The following ACACA variants were observed in gnomAD, a reference collection of about 807,000 sequenced individuals.
The protein encoded by ACACA is acetyl-CoA carboxylase 1.
Under a neutral mutation model 296.1 loss-of-function variants are expected in ACACA, and 103 were observed. That is an observed-to-expected ratio of 0.35 (90% CI 0.30 to 0.41). The LOEUF (loss-of-function observed/expected upper bound fraction) is 0.41. Ranked by LOEUF, ACACA falls within the 10% of genes least tolerant of loss-of-function variation. The probability of loss-of-function intolerance (pLI) is 1.00; values close to 1 mark genes in which losing one functional copy is unlikely to be tolerated. For missense variants in ACACA, 1,554 were observed against 2,989.7 expected (o/e 0.52, Z 11.20); for synonymous variants, 953 against 1,038.6 (o/e 0.92, Z 1.58).
intron 46 of ACACA, 136 bp downstream of exon 46, chr17:37,129,939 T>A: frequency 7.8e-7 from 1 of 1,279,332 alleles, no homozygotes; most frequent in Non-Finnish European, 1.1e-6. Context: ...AAAAGAGAAA[T>A]CAATAGCTTT....
intron 52 of ACACA, among the ~76,000 whole-genome samples, chr17:37,106,729 T>C (rs983558508): frequency 6.6e-6 from 1 of 152,176 alleles, no homozygotes; most frequent in African/African-American, 2.4e-5. Flanking sequence ...GCTCTCCCTA[T>C]GTCTGGCAGG....
Position 37,397,357 on chromosome 17 carries a change from A to G in ACACA, c.38+8905T>C, listed in dbSNP as rs145434903. ...TATCTGTGTTAATTTGTATATCTCT[A>G]TATTACTTTGTATCAACAAAGCACC... On this transcript the variant is annotated intron_variant, in intron 1 of 55. Coordinates refer to ENST00000616317, the MANE Select transcript of ACACA (RefSeq NM_198834.3). Among the ~76,000 whole-genome samples, 327 of 152,194 alleles carry G rather than the reference A, an allele frequency of 2.1e-3. 3 individuals are homozygous for G. The highest frequency in any genetic ancestry group is 2.9e-3 in the Non-Finnish European group (200 of 68,012).
At chr17:37,335,911 A>G (rs1158012200) in intron 2 of ACACA, among the ~76,000 whole-genome samples, 1 of 152,142 alleles carries the variant, frequency 6.6e-6, no homozygotes, top group Non-Finnish European at 1.5e-5. Flanking sequence ...CGGAATCATC[A>G]CCGAGAAAGT....
intron 3 of ACACA, among the ~76,000 whole-genome samples, chr17:37,326,828 A>C (rs951893846): frequency 7.0e-6 from 1 of 142,360 alleles, no homozygotes; most frequent in Non-Finnish European, 1.6e-5. Flanking sequence ...GTCTCCCTCT[A>C]AAAAAAAAAA....
intron 1 of ACACA, among the ~76,000 whole-genome samples, chr17:37,382,736 T>C (rs778037324): frequency 2.6e-5 from 4 of 152,172 alleles, no homozygotes; most frequent in Non-Finnish European, 5.9e-5. Flanking sequence ...GGCGTGTGCC[T>C]GTAGTCCTAG....
intron 35 of ACACA, among the ~76,000 whole-genome samples, chr17:37,196,459 A>C (rs549310745): frequency 6.6e-6 from 1 of 152,090 alleles, no homozygotes; most frequent in East Asian, 1.9e-4. Flanking sequence ...AAATCTCATG[A>C]AATTTTACAA....
At chr17:37,369,611 T>C (rs1267331288) in intron 1 of ACACA, 1 of 151,544 alleles carries the variant, frequency 6.6e-6, no homozygotes, top group East Asian at 1.9e-4. Context: ...AAATCTGGCC[T>C]GGGCAACACA....
intron 24 of ACACA, among the ~76,000 whole-genome samples, chr17:37,236,115 C>T (rs1172136229): frequency 6.6e-6 from 1 of 152,182 alleles, no homozygotes; most frequent in Non-Finnish European, 1.5e-5. Flanking sequence ...AGAACAGTGA[C>T]GTTCAAACTG....
intron 1 of ACACA, chr17:37,388,564 G>A: frequency 7.5e-7 from 1 of 1,337,376 alleles, no homozygotes; most frequent in Non-Finnish European, 1.0e-6. Flanking sequence ...GGTTAGTCTG[G>A]GCCTCTAATA....
intron 1 of ACACA, 56 bp from the exon 2 acceptor site, chr17:37,339,906 C>G: frequency 1.1e-6 from 1 of 908,244 alleles, no homozygotes; most frequent in Non-Finnish European, 1.8e-6. Flanking sequence ...AAACTTTTGT[C>G]AATTCCTGTT....
At chr17:37,400,708 T>A (rs1439982413) in intron 1 of ACACA, among the ~76,000 whole-genome samples, 3 of 152,038 alleles carry the variant, frequency 2.0e-5, no homozygotes, top group East Asian at 3.8e-4. Flanking sequence ...CCTTATTTTT[T>A]AAGGCTGAAC....
chr17:37,342,994 T>C (rs748020672), intron 1 of ACACA, among the ~76,000 whole-genome samples: 1 of 152,148 alleles, frequency 6.6e-6, no homozygotes, highest in African/African-American at 2.4e-5. Context: ...TTTCTTTTTA[T>C]TGAGACGGAG....
intron 3 of ACACA, among the ~76,000 whole-genome samples, chr17:37,292,426 G>C (rs979490284): frequency 6.6e-6 from 1 of 151,986 alleles, no homozygotes; most frequent in Non-Finnish European, 1.5e-5. Context: ...TCCTCTCAAG[G>C]GAAAGCCAGA....
intron 25 of ACACA, among the ~76,000 whole-genome samples, chr17:37,232,352 C>T (rs1418652874): frequency 1.3e-5 from 2 of 152,160 alleles, no homozygotes; most frequent in Non-Finnish European, 2.9e-5. Context: ...GGGGAACCAG[C>T]AGAGAACACA....
intron 3 of ACACA, among the ~76,000 whole-genome samples, chr17:37,311,305 G>A (rs2084128695): frequency 6.6e-6 from 1 of 152,090 alleles, no homozygotes; most frequent in Non-Finnish European, 1.5e-5. Flanking sequence ...CAGAGTGCTT[G>A]GAACACTTCT....
At chr17:37,140,526 G>A (rs923978391) in intron 45 of ACACA, 2 of 152,976 alleles carry the variant, frequency 1.3e-5, no homozygotes, top group African/African-American at 2.4e-5. Flanking sequence ...TTAAGATTAA[G>A]AGATCCTCTG....
At chr17:37,193,499 T>C (rs1388212708) in intron 35 of ACACA, 84 bp from the exon 36 acceptor site, 1 of 1,081,164 alleles carries the variant, frequency 9.2e-7, no homozygotes, top group African/African-American at 1.6e-5. Flanking sequence ...CAGTTAAGCA[T>C]TTAGAAGACA....
At chr17:37,248,355 C>T (rs2146041624) in intron 17 of ACACA, among the ~76,000 whole-genome samples, 199 bp from the exon 18 acceptor site, 1 of 152,300 alleles carries the variant, frequency 6.6e-6, no homozygotes, top group East Asian at 1.9e-4. Flanking sequence ...TGATTTTCCC[C>T]AACTGTGGTT....
chr17:37,194,832 T>C (rs2077915785), intron 35 of ACACA, among the ~76,000 whole-genome samples: 1 of 152,182 alleles, frequency 6.6e-6, no homozygotes, highest in South Asian at 2.1e-4. Context: ...TAGGAGCTCA[T>C]TTACCAACCT....
Sources: gnomAD v4.1 joint callset for allele counts (sites outside exome capture counted in the v4.1 genomes callset) on GRCh38, gnomAD v4.1.1 for gene constraint, MANE v1.5 for transcripts, NCBI Gene and HGNC (gene_info 2026-07-23, HGNC 2026-07-21) for gene names.